CPS1: variants seen among roughly 807,000 people sequenced by gnomAD.
The protein encoded by CPS1 is carbamoyl-phosphate synthase [ammonia], mitochondrial.
Under a neutral mutation model 174.6 loss-of-function variants are expected in CPS1, and 109 were observed. The observed-to-expected ratio is 0.62, with a 90% CI of 0.53 to 0.73. The LOEUF (loss-of-function observed/expected upper bound fraction) is 0.73, where lower values mean the gene tolerates loss of function less well. Ranked by LOEUF, CPS1 falls within the 30% of genes least tolerant of loss-of-function variation. The probability of loss-of-function intolerance (pLI) is 0.00; values close to 1 mark genes in which losing one functional copy is unlikely to be tolerated. For missense variants in CPS1, 1,689 were observed against 1,821.9 expected (o/e 0.93, Z 1.33); for synonymous variants, 637 against 632.0 (o/e 1.01, Z -0.12).
chr2:210,564,397 A>G (rs1697212260), intron 1 of CPS1, among the ~76,000 whole-genome samples: 2 of 150,708 alleles, frequency 1.3e-5, no homozygotes, highest in Middle Eastern at 3.2e-3. Context: ...TTTTTTTGAG[A>G]TGGAGTCTCG....
chr2:210,655,956 CAT>C, intron 29 of CPS1, among the ~76,000 whole-genome samples: 1 of 152,330 alleles, frequency 6.6e-6, no homozygotes, highest in South Asian at 2.1e-4. Flanking sequence ...AACTCAGTCA[CAT>C]ACCAGTCACC....
At chr2:210,541,445 A>G (rs1370845506) in intron 1 of CPS1, among the ~76,000 whole-genome samples, 1 of 152,180 alleles carries the variant, frequency 6.6e-6, no homozygotes, top group African/African-American at 2.4e-5. Context: ...GGCCTCAGCA[A>G]GCAGTACACT....
chr2:210,637,608 A>G, intron 21 of CPS1, 94 bp from the exon 22 acceptor site: 2 of 1,301,792 alleles, frequency 1.5e-6, no homozygotes, highest in Non-Finnish European at 2.2e-6. Context: ...AAGGTGGAAA[A>G]TAAGAAGCCC....
intron 34 of CPS1, 76 bp from the exon 35 acceptor site, chr2:210,674,823 ATGT>A: frequency 9.0e-7 from 1 of 1,112,702 alleles, no homozygotes; most frequent in South Asian, 1.2e-5. Flanking sequence ...GTCTTTTAAG[ATGT>A]TGTAAGGAAA....
At chr2:210,601,922 T>C (rs185476810) in intron 15 of CPS1, among the ~76,000 whole-genome samples, 1 of 152,066 alleles carries the variant, frequency 6.6e-6, no homozygotes, top group East Asian at 1.9e-4. Flanking sequence ...TGATTATTTC[T>C]GCTTTGACCA....
At chr2:210,596,776 T>C (rs934836457) in intron 13 of CPS1, among the ~76,000 whole-genome samples, 1 of 151,940 alleles carries the variant, frequency 6.6e-6, no homozygotes, top group African/African-American at 2.4e-5. Flanking sequence ...TTTTATTCTA[T>C]TTGGGAGTTT....
At chr2:210,627,420 CTT>C (rs1348041440) in intron 21 of CPS1, among the ~76,000 whole-genome samples, 4 of 152,106 alleles carry the variant, frequency 2.6e-5, no homozygotes, top group Non-Finnish European at 4.4e-5. Flanking sequence ...TAAAACAACT[CTT>C]GAGCGTAGAA....
At chr2:210,601,695 T>TA (rs1200188331) in intron 15 of CPS1, among the ~76,000 whole-genome samples, 1 of 151,702 alleles carries the variant, frequency 6.6e-6, no homozygotes, top group Non-Finnish European at 1.5e-5. Context: ...TTCTGTAAGT[T>TA]AAAAAAAAGA....
At chr2:210,676,301 G>A (rs570290716) in intron 36 of CPS1, among the ~76,000 whole-genome samples, 1 of 152,282 alleles carries the variant, frequency 6.6e-6, no homozygotes, top group East Asian at 1.9e-4. Context: ...CCTTGACCAG[G>A]TTTTCATGCC....
intron 13 of CPS1, among the ~76,000 whole-genome samples, 192 bp downstream of exon 13, chr2:210,595,774 C>A (rs1698463036): frequency 6.6e-6 from 1 of 151,904 alleles, no homozygotes; most frequent in South Asian, 2.1e-4. Flanking sequence ...GTAATGTGCA[C>A]ATCTGTAAAT....
intron 2 of CPS1, among the ~76,000 whole-genome samples, chr2:210,575,515 TGCAC>T (rs1697667838): frequency 1.1e-5 from 1 of 89,468 alleles, no homozygotes; most frequent in African/African-American, 5.8e-5. Flanking sequence ...GATATGTATA[TGCAC>T]ACACACACAC....
At chr2:210,509,704 G>A (rs979358896) in intron 1 of CPS1, among the ~76,000 whole-genome samples, 4 of 152,116 alleles carry the variant, frequency 2.6e-5, no homozygotes, top group African/African-American at 4.8e-5. Context: ...AAATCAATGT[G>A]CAAAAATCAC....
At chr2:210,621,443 C>T (rs1010585357) in intron 21 of CPS1, among the ~76,000 whole-genome samples, 1 of 152,144 alleles carries the variant, frequency 6.6e-6, no homozygotes, top group African/African-American at 2.4e-5. Context: ...TGCATAATCT[C>T]TGTCCATTAG....
chr2:210,626,524 A>C (rs527322758), intron 21 of CPS1, among the ~76,000 whole-genome samples: 13 of 152,326 alleles, frequency 8.5e-5, no homozygotes, highest in African/African-American at 2.9e-4. Context: ...GTAGTTATGT[A>C]TCTACTAATT....
intron 21 of CPS1, among the ~76,000 whole-genome samples, chr2:210,625,789 GT>G (rs981113491): frequency 2.0e-4 from 30 of 152,122 alleles, no homozygotes; most frequent in Non-Finnish European, 5.9e-5. Flanking sequence ...CAAACACATA[GT>G]GAGAAACAGG....
At chr2:210,591,329 G>C (rs1368707489) in intron 9 of CPS1, among the ~76,000 whole-genome samples, 1 of 151,940 alleles carries the variant, frequency 6.6e-6, no homozygotes, top group African/African-American at 2.4e-5. Context: ...CTTAAGAGCC[G>C]AGGAACCTTT....
At chr2:210,541,120 A>G (rs1159693426) in intron 1 of CPS1, among the ~76,000 whole-genome samples, 1 of 152,168 alleles carries the variant, frequency 6.6e-6, no homozygotes, top group East Asian at 1.9e-4. Flanking sequence ...GACTCAGATC[A>G]TCGGGAGTGC....
chr2:210,675,878 AG>A (rs1174940421), intron 36 of CPS1, 38 bp downstream of exon 36: 1 of 980,678 alleles, frequency 1.0e-6, no homozygotes, highest in Non-Finnish European at 1.7e-6. Context: ...AATAATTTAG[AG>A]GATTAACTTT....
At chr2:210,661,898 A>G (rs1399746316) in intron 32 of CPS1, among the ~76,000 whole-genome samples, 2 of 144,068 alleles carry the variant, frequency 1.4e-5, no homozygotes, top group South Asian at 2.2e-4. Context: ...TGATGGATAG[A>G]TATGCTTTTT....
Sources: gnomAD v4.1 joint callset for allele counts (sites outside exome capture counted in the v4.1 genomes callset) on GRCh38, gnomAD v4.1.1 for gene constraint, MANE v1.5 for transcripts, NCBI Gene and HGNC (gene_info 2026-07-23, HGNC 2026-07-21) for gene names.